ZNF385D: variants seen among roughly 807,000 people sequenced by gnomAD.
The protein encoded by ZNF385D is zinc finger protein 659.
A neutral mutation model predicts 35.8 loss-of-function variants in ZNF385D; 15 were observed. The ratio of observed to expected loss-of-function variants is 0.42; its 90% CI spans 0.28 to 0.64. The LOEUF (loss-of-function observed/expected upper bound fraction) is 0.64. Among genes scored for constraint, ZNF385D ranks in the 30% least tolerant of loss-of-function variants. ZNF385D has a pLI of 0.23. For synonymous variants in ZNF385D, 212 were observed against 186.8 expected (o/e 1.13, Z -1.10); for missense variants, 474 against 494.6 (o/e 0.96, Z 0.39).
At chr3:21,456,749 A>T (rs947355708) in intron 4 of ZNF385D, among the ~76,000 whole-genome samples, 5 of 151,824 alleles carry the variant, frequency 3.3e-5, no homozygotes, top group Admixed American at 6.6e-5. Context: ...AAATAAATAA[A>T]TAATTAAAAA....
intron 2 of ZNF385D, among the ~76,000 whole-genome samples, chr3:22,289,651 A>G (rs575288236): frequency 2.0e-5 from 3 of 152,270 alleles, no homozygotes; most frequent in African/African-American, 7.2e-5. Flanking sequence ...GTGCTTATTT[A>G]AAACCATCTC....
chr3:22,117,547 T>C (rs186338143), intron 3 of ZNF385D, among the ~76,000 whole-genome samples: 1 of 151,852 alleles, frequency 6.6e-6, no homozygotes, highest in Non-Finnish European at 1.5e-5. Flanking sequence ...AGGAAAGGTA[T>C]CTGAATTCAC....
At chr3:22,050,659 CAT>C (rs1259232956) in intron 3 of ZNF385D, among the ~76,000 whole-genome samples, 1 of 152,140 alleles carries the variant, frequency 6.6e-6, no homozygotes, top group Non-Finnish European at 1.5e-5. Context: ...CCAAAGGCCA[CAT>C]ATGTTTTACC....
intron 2 of ZNF385D, among the ~76,000 whole-genome samples, chr3:22,241,304 C>T (rs2728953): frequency 0.86 from 129,700 of 150,754 alleles, 56,527 homozygotes; most frequent in East Asian, 0.98. Flanking sequence ...AACCAACCTA[C>T]AGAGGACAGT....
intron 4 of ZNF385D, among the ~76,000 whole-genome samples, chr3:21,490,625 A>T (rs1008302570): frequency 2.6e-5 from 4 of 152,154 alleles, no homozygotes; most frequent in African/African-American, 9.7e-5. Context: ...GGCAATATGT[A>T]TGGAGAGGTC....
At chr3:22,343,013 G>A (rs563965955) in intron 2 of ZNF385D, among the ~76,000 whole-genome samples, 13 of 152,282 alleles carry the variant, frequency 8.5e-5, no homozygotes, top group African/African-American at 2.9e-4. Flanking sequence ...TGATTTCAAA[G>A]ACTTAGAAAA....
chr3:21,547,739 C>T (rs1403613418), intron 3 of ZNF385D, among the ~76,000 whole-genome samples: 1 of 151,854 alleles, frequency 6.6e-6, no homozygotes, highest in Non-Finnish European at 1.5e-5. Context: ...GCCTCAGCCT[C>T]CCGAGTAGCT....
At chr3:21,577,523 C>T (rs978849712) in intron 2 of ZNF385D, among the ~76,000 whole-genome samples, 5 of 151,998 alleles carry the variant, frequency 3.3e-5, no homozygotes, top group Non-Finnish European at 5.9e-5. Context: ...GGATATATAC[C>T]GAGTAGTGGA....
intron 3 of ZNF385D, among the ~76,000 whole-genome samples, chr3:22,129,683 G>A (rs1703658780): frequency 1.3e-5 from 2 of 151,994 alleles, no homozygotes; most frequent in African/African-American, 4.8e-5. Context: ...TAGTCATAAA[G>A]TGGTGACTTC....
In ZNF385D at chr3:21,415,878, TGA is replaced by T. The variant is rs1378927757; in HGVS notation, c.*5334_*5335del. On this transcript the variant is annotated 3_prime_UTR_variant, in exon 8 of 8. Transcript: ENST00000281523. ...AGTCAACTTAGCCACCTAGGAAGGATGAGTTTCCATCACTGAGAAGAGGAAAG... is the reference window on the plus strand; with the variant it reads ...AGTCAACTTAGCCACCTAGGAAGGATGTTTCCATCACTGAGAAGAGGAAAG... 1.3e-5 allele frequency: 2 copies of T among 152,086 alleles called. No homozygotes were observed. Among genetic ancestry groups the T allele is most frequent in the Non-Finnish European group, 2.9e-5 (2 of 68,004 alleles). 9.4% of individuals were successfully genotyped at this position (152,086 alleles called of 1,614,324 possible).
At chr3:21,837,152 A>G (rs1163749544) in intron 3 of ZNF385D, among the ~76,000 whole-genome samples, 3 of 152,144 alleles carry the variant, frequency 2.0e-5, no homozygotes, top group Admixed American at 1.3e-4. Flanking sequence ...TGTCATTGCC[A>G]AATTTCTCTC....
At chr3:21,658,147 G>T (rs932101821) in intron 2 of ZNF385D, among the ~76,000 whole-genome samples, 9 of 151,980 alleles carry the variant, frequency 5.9e-5, no homozygotes, top group Non-Finnish European at 1.2e-4. Flanking sequence ...TGCTGTCTTA[G>T]AGTCCTAAAA....
At chr3:22,247,072 C>T (rs1281196706) in intron 2 of ZNF385D, among the ~76,000 whole-genome samples, 3 of 152,106 alleles carry the variant, frequency 2.0e-5, no homozygotes, top group Non-Finnish European at 1.5e-5. Context: ...TGCAGTTTCA[C>T]TTGTTCATTC....
intron 2 of ZNF385D, among the ~76,000 whole-genome samples, chr3:21,652,449 G>T (rs951029677): frequency 6.6e-6 from 1 of 151,960 alleles, no homozygotes; most frequent in Admixed American, 6.6e-5. Flanking sequence ...AGCAAATATT[G>T]CAATAAAGTA....
chr3:21,906,659 C>T (rs1237563451), intron 3 of ZNF385D, among the ~76,000 whole-genome samples: 1 of 152,130 alleles, frequency 6.6e-6, no homozygotes, highest in Non-Finnish European at 1.5e-5. Context: ...CCAGCCTTGG[C>T]TCCAAAACCA....
chr3:22,361,918 A>G (rs1045863873), intron 2 of ZNF385D, among the ~76,000 whole-genome samples: 1 of 152,020 alleles, frequency 6.6e-6, no homozygotes. Context: ...CTATTTCAAC[A>G]TAAGTTTTTA....
rs185691156 is a variant in ZNF385D, at chr3:21,551,492, T to G, written c.276+13082A>C. ...TGCTACAATCTTATATATCCTTAGT[T>G]TGGAATTTGAGATCTTATTTCCTAT... On this transcript the variant is annotated intron_variant, in intron 3 of 7. Transcript: ENST00000281523. Among the ~76,000 whole-genome samples, 50 of 152,342 alleles carry G rather than the reference T, an allele frequency of 3.3e-4. 1 individual carries two copies. In the East Asian group the frequency reaches 7.7e-3, roughly 23 times the overall value.
At position 22,168,834 on chromosome 3, in the gene ZNF385D, G is replaced by A. The variant is rs78012027; in HGVS notation, c.308C>T (p.Thr103Met). The change falls in exon 3 of 6, where the codon ACG (threonine) becomes ATG (methionine). Residue 103 changes from threonine to methionine, a missense_variant. Coordinates refer to the ZNF385D transcript ENST00000494108. ...AAGCTTACCATTGTCATTTTTCAGC[G>A]TCCCATTGCTGAGTTGTTTTAATCT... 2.1e-3 allele frequency: 2,045 copies of A among 985,724 alleles called. 18 individuals carry two copies. The highest frequency in any genetic ancestry group is 0.02 in the African/African-American group (1,169 of 57,340). 61.1% of individuals were successfully genotyped at this position (985,724 alleles called of 1,614,324 possible).
At chr3:21,772,912 A>G (rs565493469) in intron 3 of ZNF385D, among the ~76,000 whole-genome samples, 3 of 152,032 alleles carry the variant, frequency 2.0e-5, no homozygotes, top group Admixed American at 6.6e-5. Flanking sequence ...GCTGCAACAT[A>G]GAAGAATCTT....
Sources: gnomAD v4.1 joint callset for allele counts (sites outside exome capture counted in the v4.1 genomes callset) on GRCh38, gnomAD v4.1.1 for gene constraint, MANE v1.5 for transcripts, NCBI Gene and HGNC (gene_info 2026-07-23, HGNC 2026-07-21) for gene names.